OSBPL3: variants seen among roughly 807,000 people sequenced by gnomAD.
OSBPL3 encodes the protein oxysterol binding protein like 3, also known as oxysterol-binding protein-related protein 3.
In OSBPL3, 65 loss-of-function variants were observed where a neutral mutation model predicts 120.1. The ratio of observed to expected loss-of-function variants is 0.54; its 90% CI spans 0.44 to 0.67. The LOEUF (loss-of-function observed/expected upper bound fraction) is 0.67, where lower values mean the gene tolerates loss of function less well. OSBPL3 is among the 30% of genes least tolerant of loss of function. OSBPL3 has a pLI of 0.00. For missense variants in OSBPL3, 1,004 were observed against 1,082.1 expected, an observed-to-expected ratio of 0.93 and a Z score of 1.01; for synonymous variants, 416 against 402.6, an observed-to-expected ratio of 1.03 and a Z score of -0.40.
At position 24,834,667 on chromosome 7, in the gene OSBPL3, C is replaced by T. The variant is rs1400855951; in HGVS notation, c.1565G>A (p.Ser522Asn). 4.3e-6 allele frequency: 7 copies of T among 1,614,056 alleles called. No individual in the cohort carries two copies. Among genetic ancestry groups the T allele is most frequent in the Non-Finnish European group, 5.1e-6 (6 of 1,180,018 alleles). ...RRTCLPAPCPSSSNISLWNIL... is the reference protein window; with the variant it reads ...RRTCLPAPCPNSSNISLWNIL... ...GTTCCACAGGCTGATGTTACTGCTG[C>T]TCGGGCAGGGCGCCGGCAGGCACGT... Residue 522 changes from serine (S) to asparagine (N), a missense_variant, in exon 15 of 23, where the codon AGC becomes AAC. This residue lies in a region of OSBPL3 where 473 missense variants were observed against 568.0 expected (regional missense o/e 0.83). Transcript: ENST00000313367. This position sits in a 1 kb window ranked among gnomAD's most constrained non-coding sequence, Gnocchi z 5.2.
chr7:24,893,966 A>C (rs1805745971), intron 1 of OSBPL3, among the ~76,000 whole-genome samples: 1 of 152,148 alleles, frequency 6.6e-6, no homozygotes, highest in Non-Finnish European at 1.5e-5. Flanking sequence ...TAAGCAGGTT[A>C]ACAACATCAA....
chr7:24,897,974 T>C (rs958500365), intron 1 of OSBPL3, among the ~76,000 whole-genome samples: 3 of 152,244 alleles, frequency 2.0e-5, no homozygotes, highest in Non-Finnish European at 4.4e-5. Context: ...TAATTCCAAA[T>C]AGTTTGCAAT....
Position 24,938,811 on chromosome 7 carries a change from G to C in OSBPL3, c.-150+41075C>G, listed in dbSNP as rs926101151. On this transcript the variant is annotated intron_variant, in intron 1 of 22. Coordinates refer to ENST00000313367, the MANE Select transcript of OSBPL3 (RefSeq NM_015550.4). The surrounding 1 kb of genome is among the most constrained non-coding windows in gnomAD (Gnocchi z 5.8). Reference sequence around the variant, plus strand: ...TGTGTGTGTGTGTGTGTGTGTGTGTGTGTGTGTGTGTGTGTGTGTGTGTTT... The same window carrying C: ...TGTGTGTGTGTGTGTGTGTGTGTGTCTGTGTGTGTGTGTGTGTGTGTGTTT... Among the ~76,000 whole-genome samples, 6 of 150,878 alleles carry C rather than the reference G, an allele frequency of 4.0e-5. No individual in the cohort carries two copies. The South Asian group carries it at 1.1e-3, about 27-fold the overall frequency.
intron 1 of OSBPL3, among the ~76,000 whole-genome samples, chr7:24,958,720 T>C (rs1815369144): frequency 1.3e-5 from 2 of 152,196 alleles, no homozygotes; most frequent in Admixed American, 6.5e-5. Flanking sequence ...ATTCAGCACA[T>C]TCACTCAATT....
In OSBPL3 at chr7:24,834,845, A is replaced by C; in HGVS notation, c.1496-109T>G. On this transcript the variant is annotated intron_variant, in intron 14 of 22. Coordinates refer to ENST00000313367, the MANE Select transcript of OSBPL3 (RefSeq NM_015550.4). The surrounding 1 kb of genome is among the most constrained non-coding windows in gnomAD (Gnocchi z 5.2). Reference sequence around the variant, plus strand: ...AGCAAGTAGTCAATGTTACTATTAAACTCAGTTGTTCAGAGTATGGCTGAA... The same window carrying C: ...AGCAAGTAGTCAATGTTACTATTAACCTCAGTTGTTCAGAGTATGGCTGAA... 1 of 993,988 alleles carries C rather than the reference A, an allele frequency of 1.0e-6. No individual in the cohort carries two copies. Among genetic ancestry groups the C allele is most frequent in the Non-Finnish European group, 1.4e-6 (1 of 699,878 alleles). The allele number at this position is 993,988 out of a possible 1,614,324, so 61.6% of individuals were successfully genotyped here.
intron 2 of OSBPL3, among the ~76,000 whole-genome samples, chr7:24,888,595 C>T (rs1219883629): frequency 6.6e-6 from 1 of 152,202 alleles, no homozygotes; most frequent in Admixed American, 6.5e-5. Flanking sequence ...CTAGGGTTTT[C>T]ATGGCCCTAA....
intron 7 of OSBPL3, among the ~76,000 whole-genome samples, chr7:24,865,081 T>C (rs745654967): frequency 3.3e-5 from 5 of 152,140 alleles, no homozygotes; most frequent in African/African-American, 1.2e-4. Flanking sequence ...TATAGGCCCA[T>C]GTGGAAATCA....
Position 24,821,746 on chromosome 7 carries a change from T to C in OSBPL3, c.1885-1508A>G, listed in dbSNP as rs1795156755. Among the ~76,000 whole-genome samples the C allele has an allele frequency of 6.6e-6, 1 of 152,260 alleles. No homozygotes were observed. Among genetic ancestry groups the C allele is most frequent in the South Asian group, 2.1e-4 (1 of 4,836 alleles). On this transcript the variant is annotated intron_variant, in intron 16 of 22. Transcript: ENST00000313367. This position sits in a 1 kb window ranked among gnomAD's most constrained non-coding sequence, Gnocchi z 5.5. ...AAATCTGCTGCTCTTTGGTTTGTCT[T>C]AGTTCCCATGTGCCTCCTAAGAACG...
At position 24,853,743 on chromosome 7, in the gene OSBPL3, C is replaced by T. The variant is rs553910932; in HGVS notation, c.1028-1109G>A. On this transcript the variant is annotated intron_variant, in intron 10 of 22. Transcript: ENST00000313367. ...TATGAATTCTACTCTCAAATGGTTC[C>T]AAAAAGTGAAAGCGTGTGTGTGTAG... Among the ~76,000 whole-genome samples the T allele has an allele frequency of 1.0e-3, 154 of 152,124 alleles. 1 individual carries two copies. The highest frequency in any genetic ancestry group is 1.9e-3 in the Non-Finnish European group (130 of 67,990).
Position 24,798,147 on chromosome 7 carries a change from G to A in OSBPL3, c.*2036C>T, listed in dbSNP as rs1027309227. On this transcript the variant is annotated 3_prime_UTR_variant, in exon 23 of 23. Transcript: ENST00000313367. The surrounding 1 kb of genome is among the most constrained non-coding windows in gnomAD (Gnocchi z 4.6). Reference sequence around the variant, plus strand: ...TACAGACGTAATGTTTCATCCAGTTGTCCCTGGGACTCTAAAATAAAGCAT... The same window carrying A: ...TACAGACGTAATGTTTCATCCAGTTATCCCTGGGACTCTAAAATAAAGCAT... 17 of 152,168 alleles carry A rather than the reference G, an allele frequency of 1.1e-4. No homozygotes were observed. Among genetic ancestry groups the A allele is most frequent in the Admixed American group, 3.9e-4 (6 of 15,276 alleles). The allele number at this position is 152,168 out of a possible 1,614,324, so 9.4% of individuals were successfully genotyped here.
intron 20 of OSBPL3, among the ~76,000 whole-genome samples, chr7:24,807,580 GA>G (rs1464038211): frequency 6.6e-6 from 1 of 152,062 alleles, no homozygotes; most frequent in African/African-American, 2.4e-5. Flanking sequence ...TCTCACTCTA[GA>G]GAATCTGTTT....
intron 10 of OSBPL3, among the ~76,000 whole-genome samples, chr7:24,858,726 C>G (rs990241807): frequency 1.3e-5 from 2 of 152,192 alleles, no homozygotes; most frequent in Admixed American, 1.3e-4. Flanking sequence ...AAAGACAGAA[C>G]TGCTGGATGG....
chr7:24,804,533 C>T lies in OSBPL3; in HGVS notation c.2445-96G>A, dbSNP rs1451885457. ...TTGCATGTGTCCACGACTGGATATT[C>T]AAAATCCTCTCCTATACGTAAGACC... On this transcript the variant is annotated intron_variant, in intron 21 of 22. Transcript: ENST00000313367. The surrounding 1 kb of genome is among the most constrained non-coding windows in gnomAD (Gnocchi z 5.4). The T allele has an allele frequency of 8.5e-6, 10 of 1,180,166 alleles. No individual in the cohort carries two copies. Among genetic ancestry groups the T allele is most frequent in the Non-Finnish European group, 1.2e-5 (10 of 827,392 alleles). The allele number at this position is 1,180,166 out of a possible 1,614,324, so 73.1% of individuals were successfully genotyped here.
In OSBPL3 at chr7:24,932,909, G is replaced by A. The variant is rs1174015372; in HGVS notation, c.-149-40288C>T. Among the ~76,000 whole-genome samples the A allele has an allele frequency of 3.3e-5, 5 of 152,192 alleles. No individual in the cohort carries two copies. The highest frequency in any genetic ancestry group is 1.5e-5 in the Non-Finnish European group (1 of 68,042). Reference sequence around the variant, plus strand: ...ACTTTCAAGACTCCAACTGGTCCCCGGGGACAGACCCCCACTGTTCTGTAA... The same window carrying A: ...ACTTTCAAGACTCCAACTGGTCCCCAGGGACAGACCCCCACTGTTCTGTAA... On this transcript the variant is annotated intron_variant, in intron 1 of 22. Coordinates refer to ENST00000313367, the MANE Select transcript of OSBPL3 (RefSeq NM_015550.4). This position sits in a 1 kb window ranked among gnomAD's most constrained non-coding sequence, Gnocchi z 5.6.
intron 16 of OSBPL3, among the ~76,000 whole-genome samples, chr7:24,829,223 T>C (rs939836661): frequency 1.2e-4 from 19 of 152,240 alleles, no homozygotes; most frequent in African/African-American, 4.6e-4. Context: ...AATTATATTT[T>C]CATTTATTCT....
At chr7:24,977,033 G>A (rs947743303) in intron 1 of OSBPL3, among the ~76,000 whole-genome samples, 2 of 152,122 alleles carry the variant, frequency 1.3e-5, no homozygotes, top group Non-Finnish European at 2.9e-5. Flanking sequence ...GCCTACTGCA[G>A]GAGCTTTTGG....
In OSBPL3 at chr7:24,968,393, C is replaced by A. The variant is rs1816623290; in HGVS notation, c.-150+11493G>T. Among the ~76,000 whole-genome samples the A allele has an allele frequency of 6.6e-6, 1 of 152,118 alleles. No individual in the cohort carries two copies. The highest frequency in any genetic ancestry group is 1.5e-5 in the Non-Finnish European group (1 of 68,016). ...ATGCCGGTGTAAACTGGCTTCAGCA[C>A]ACCAGTTTTTTTGTTTTTTTTGAGT... On this transcript the variant is annotated intron_variant, in intron 1 of 22. Transcript: ENST00000313367. The surrounding 1 kb of genome is among the most constrained non-coding windows in gnomAD (Gnocchi z 4.6).
rs1414388622 is a variant in OSBPL3 at position 24,871,351 on chromosome 7, C to A, written c.267+391G>T. On this transcript the variant is annotated intron_variant, in intron 4 of 22. Transcript: ENST00000313367. The surrounding 1 kb of genome is among the most constrained non-coding windows in gnomAD (Gnocchi z 4.8). ...CACACACAGAGCCTTCACACACCAA[C>A]TGCCTGGGATTAATTTGAAAAGGAA... is the stretch of plus-strand genomic sequence containing the variant. Among the ~76,000 whole-genome samples, 2 of 152,206 alleles carry A rather than the reference C, an allele frequency of 1.3e-5. No individual in the cohort carries two copies. The highest frequency in any genetic ancestry group is 2.9e-5 in the Non-Finnish European group (2 of 68,036).
At chr7:24,960,483 C>T (rs1407182940) in intron 1 of OSBPL3, among the ~76,000 whole-genome samples, 7 of 151,980 alleles carry the variant, frequency 4.6e-5, no homozygotes, top group Non-Finnish European at 8.8e-5. Flanking sequence ...ATCAATATAT[C>T]GAAAACTCAA....
Sources: gnomAD v4.1 joint callset for allele counts (sites outside exome capture counted in the v4.1 genomes callset) on GRCh38, gnomAD v4.1.1 for gene constraint, gnomAD v4.1.1 regional missense constraint, Gnocchi (gnomAD v3.1) non-coding constraint, MANE v1.5 for transcripts, NCBI Gene and HGNC (gene_info 2026-07-23, HGNC 2026-07-21) for gene names.